RPS24: variants seen among roughly 807,000 people sequenced by gnomAD.
RPS24 encodes the protein small ribosomal subunit protein eS24.
For missense variants in RPS24, 100 were observed against 162.5 expected (o/e 0.62, Z 2.09); for synonymous variants, 72 against 55.6 (o/e 1.30, Z -1.31).
intron 4 of RPS24, 131 bp from the exon 5 acceptor site, chr10:78,040,073 A>G: frequency 1.2e-6 from 1 of 833,358 alleles, no homozygotes; most frequent in Non-Finnish European, 2.1e-6. Flanking sequence ...TGCAAAGAAC[A>G]AAATGGTCAT....
chr10:78,041,929 C>G (rs565552529), downstream of RPS24, among the ~76,000 whole-genome samples: 10 of 152,286 alleles, frequency 6.6e-5, no homozygotes, highest in Admixed American at 5.9e-4. Context: ...CAGCTGTGCT[C>G]AGGGCAGAAG....
Position 78,055,205 on chromosome 10 carries a change from G to A in RPS24, c.*195G>A, listed in dbSNP as rs188440005. On this transcript the variant is annotated 3_prime_UTR_variant, in exon 5 of 5. Coordinates refer to the RPS24 transcript ENST00000440692. ...TCCCCACGCCCCCACAATCCCCCAC[G>A]ACCTGGCCACTGGCCTCCCACCACC... The A allele has an allele frequency of 2.3e-4, 208 of 896,212 alleles. 1 individual carries two copies. In the African/African-American group the frequency reaches 3.3e-3, roughly 14 times the overall value. The allele number at this position is 896,212 out of a possible 1,614,324, so 55.5% of individuals were successfully genotyped here.
chr10:78,043,799 G>A (rs1430667408), downstream of RPS24, among the ~76,000 whole-genome samples: 1 of 152,178 alleles, frequency 6.6e-6, no homozygotes, highest in Non-Finnish European at 1.5e-5. Context: ...GAGACATACA[G>A]CAGTCCCCAC....
At chr10:78,038,105 A>C (rs1312739509) in intron 4 of RPS24, 2 of 495,516 alleles carry the variant, frequency 4.0e-6, no homozygotes, top group Non-Finnish European at 6.7e-6. Context: ...TGCCAGTGCT[A>C]TTTAGGCTGG....
At chr10:78,049,772 C>T (rs1589335436) in intron 4 of RPS24, among the ~76,000 whole-genome samples, 1 of 152,240 alleles carries the variant, frequency 6.6e-6, no homozygotes, top group Non-Finnish European at 1.5e-5. Flanking sequence ...CACCCACTCT[C>T]CACAAAGGCC....
chr10:78,043,310 C>T (rs1200789217), downstream of RPS24, among the ~76,000 whole-genome samples: 1 of 152,156 alleles, frequency 6.6e-6, no homozygotes, highest in African/African-American at 2.4e-5. Flanking sequence ...GCCTAATCTG[C>T]ATGTTAACTC....
intron 4 of RPS24, chr10:78,054,471 G>C: frequency 7.0e-7 from 1 of 1,434,288 alleles, no homozygotes; most frequent in Non-Finnish European, 9.4e-7. Context: ...CGCAGAACAG[G>C]GCGGCTGGAA....
At chr10:78,055,187 GC>G in exon 5 of RPS24, 1 of 1,084,388 alleles carries the variant, frequency 9.2e-7, no homozygotes, top group Non-Finnish European at 1.2e-6. Flanking sequence ...ACCTCCCCAC[GC>G]CCCCACAATC....
At position 78,033,866 on chromosome 10, in the gene RPS24, T is replaced by A; in HGVS notation, c.-36T>A. The A allele has an allele frequency of 6.2e-7, 1 of 1,613,862 alleles. No individual in the cohort carries two copies. Among genetic ancestry groups the A allele is most frequent in the Non-Finnish European group, 8.5e-7 (1 of 1,179,842 alleles). On this transcript the variant is annotated 5_prime_UTR_variant, in exon 1 of 6. Coordinates refer to ENST00000372360, the MANE Select transcript of RPS24 (RefSeq NM_033022.4). ...GATTGGCCGGCGAATCGTGGTTCTCTTTTCCTCCTTGGCTGTCTGAAGATA... is the reference window on the plus strand; with the variant it reads ...GATTGGCCGGCGAATCGTGGTTCTCATTTCCTCCTTGGCTGTCTGAAGATA...
intron 1 of RPS24, 118 bp from the exon 2 acceptor site, chr10:78,035,234 A>G: frequency 1.0e-6 from 1 of 992,182 alleles, no homozygotes; most frequent in South Asian, 1.3e-5. Context: ...TATTTACTTT[A>G]GTTCGCTACA....
At chr10:78,054,253 T>C (rs1384225672) in intron 4 of RPS24, among the ~76,000 whole-genome samples, 2 of 152,088 alleles carry the variant, frequency 1.3e-5, no homozygotes, top group Non-Finnish European at 2.9e-5. Flanking sequence ...GGTGGAGGGC[T>C]CTGTGGGGCA....
downstream of RPS24, among the ~76,000 whole-genome samples, chr10:78,042,758 G>C (rs1277335965): frequency 2.6e-5 from 4 of 152,120 alleles, no homozygotes; most frequent in South Asian, 8.3e-4. Context: ...GAAGGTACCT[G>C]CAGTGAATAT....
downstream of RPS24, among the ~76,000 whole-genome samples, chr10:78,045,460 C>G (rs116939582): frequency 6.6e-6 from 1 of 151,996 alleles, no homozygotes; most frequent in African/African-American, 2.4e-5. Context: ...TGAGTAATTC[C>G]GAAACCTGGC....
At chr10:78,045,398 C>T (rs539424950), downstream of RPS24, among the ~76,000 whole-genome samples, 20 of 152,290 alleles carry the variant, frequency 1.3e-4, no homozygotes, top group African/African-American at 4.6e-4. Context: ...AAAGACTTCC[C>T]TTTTCTGGGC....
intron 4 of RPS24, among the ~76,000 whole-genome samples, chr10:78,046,365 T>TTTTTTTG (rs58385750): frequency 2.0e-5 from 3 of 148,882 alleles, no homozygotes; most frequent in South Asian, 2.1e-4. Context: ...TTTTTTTTTT[T>TTTTTTTG]GAGAATGAGT....
Position 78,054,841 on chromosome 10 carries a change from AC to A in RPS24, c.704del (p.Pro235LeufsTer18), listed in dbSNP as rs1430878544. ...TCACCTGCTCCTGCTGGTTCTCCCC[AC>A]CCTGTGGACGGTGACTTGGTCCTCC... is the stretch of plus-strand genomic sequence containing the variant. On this transcript the variant is annotated frameshift_variant, in exon 5 of 5. Coordinates refer to the RPS24 transcript ENST00000440692. LOFTEE classifies it low-confidence loss of function (END_TRUNC). 3 of 1,551,110 alleles carry A rather than the reference AC, an allele frequency of 1.9e-6. No homozygotes were observed. The African/African-American group carries it at 4.1e-5, about 21-fold the overall frequency.
In RPS24 at chr10:78,035,661, A is replaced by G. The variant is rs900820169; in HGVS notation, c.220A>G (p.Met74Val). ...FGGGKTTGFG[M>V]IYDSLDYAKK... is the part of the protein sequence containing the mutation. ...TGGTGGCAAGACAACTGGCTTTGGC[A>G]TGATTTATGATTCCCTGGATTATGC... Residue 74 changes from methionine (M) to valine (V), a missense_variant, in exon 3 of 6, where the codon ATG becomes GTG. By Grantham distance (21) the Met-to-Val change is conservative. Coordinates refer to ENST00000372360, the MANE Select transcript of RPS24 (RefSeq NM_033022.4). 10 of 1,606,394 alleles carry G rather than the reference A, an allele frequency of 6.2e-6. No individual in the cohort carries two copies. Among genetic ancestry groups the G allele is most frequent in the South Asian group, 1.1e-5 (1 of 91,094 alleles).
At chr10:78,036,697 T>C (rs1847876172) in intron 3 of RPS24, among the ~76,000 whole-genome samples, 1 of 152,126 alleles carries the variant, frequency 6.6e-6, no homozygotes, top group Non-Finnish European at 1.5e-5. Context: ...GATTTGGAAG[T>C]AGTCTTTGTA....
intron 4 of RPS24, among the ~76,000 whole-genome samples, chr10:78,051,938 A>C (rs1403860147): frequency 6.6e-6 from 1 of 152,096 alleles, no homozygotes; most frequent in East Asian, 1.9e-4. Context: ...GTGTTAGTTT[A>C]TATATCCTGG....
Sources: gnomAD v4.1 joint callset for allele counts (sites outside exome capture counted in the v4.1 genomes callset) on GRCh38, gnomAD v4.1.1 for gene constraint, MANE v1.5 for transcripts, NCBI Gene and HGNC (gene_info 2026-07-23, HGNC 2026-07-21) for gene names.